NRCAM: variants seen among roughly 807,000 people sequenced by gnomAD.
NRCAM encodes neuronal cell adhesion molecule, also known as NgCAM-related cell adhesion molecule.
Under a neutral mutation model 156.5 loss-of-function variants are expected in NRCAM, and 83 were observed. The observed-to-expected ratio is 0.53, with a 90% CI of 0.44 to 0.64. The LOEUF (loss-of-function observed/expected upper bound fraction) is 0.64, where lower values mean the gene tolerates loss of function less well. Ranked by LOEUF, NRCAM falls within the 30% of genes least tolerant of loss-of-function variation. The pLI, the probability that NRCAM is intolerant of heterozygous loss-of-function variation, is 0.00. For missense variants in NRCAM, 1,417 were observed against 1,597.3 expected (o/e 0.89, Z 1.92); for synonymous variants, 538 against 563.9 (o/e 0.95, Z 0.65).
At chr7:108,355,864 C>T (rs781533245) in intron 2 of NRCAM, among the ~76,000 whole-genome samples, 10 of 152,158 alleles carry the variant, frequency 6.6e-5, no homozygotes, top group South Asian at 2.1e-4. Context: ...TTACTCACCT[C>T]GCTTCATCAC....
chr7:108,270,626 A>G (rs2097308265), intron 3 of NRCAM, among the ~76,000 whole-genome samples: 1 of 152,244 alleles, frequency 6.6e-6, no homozygotes, highest in African/African-American at 2.4e-5. Context: ...ACCGCAAGGT[A>G]GAAACAATCC....
intron 17 of NRCAM, among the ~76,000 whole-genome samples, chr7:108,192,683 T>C (rs906391290): frequency 3.9e-5 from 6 of 152,190 alleles, no homozygotes; most frequent in Non-Finnish European, 1.5e-5. Context: ...AAACCACTCA[T>C]TCAGTTCAAT....
intron 1 of NRCAM, among the ~76,000 whole-genome samples, chr7:108,404,094 AT>A (rs1277220681): frequency 1.3e-5 from 2 of 152,006 alleles, no homozygotes; most frequent in African/African-American, 2.4e-5. Context: ...CACTCCACTA[AT>A]TGGATATGCC....
chr7:108,217,794 G>A (rs1317382026), intron 11 of NRCAM, among the ~76,000 whole-genome samples: 1 of 152,154 alleles, frequency 6.6e-6, no homozygotes, highest in Admixed American at 6.5e-5. Context: ...ATCCCAGGTC[G>A]ACTTCAGACT....
chr7:108,375,284 T>C (rs1014936888), intron 2 of NRCAM, among the ~76,000 whole-genome samples: 4 of 152,076 alleles, frequency 2.6e-5, no homozygotes, highest in African/African-American at 9.7e-5. Flanking sequence ...AATGAATCAA[T>C]GAATAATTCT....
At chr7:108,341,210 C>T (rs1161589195) in intron 2 of NRCAM, among the ~76,000 whole-genome samples, 1 of 152,216 alleles carries the variant, frequency 6.6e-6, no homozygotes, top group Non-Finnish European at 1.5e-5. Context: ...AAGCCACTAA[C>T]CAGATGATCC....
intron 1 of NRCAM, among the ~76,000 whole-genome samples, chr7:108,429,085 G>A (rs1350224274): frequency 6.6e-6 from 1 of 152,082 alleles, no homozygotes; most frequent in Non-Finnish European, 1.5e-5. Context: ...TTCTATATAT[G>A]TCCTTAATTG....
intron 25 of NRCAM, 134 bp from the exon 26 acceptor site, chr7:108,178,246 A>G: frequency 1.2e-6 from 1 of 814,508 alleles, no homozygotes; most frequent in Non-Finnish European, 1.9e-6. Context: ...CTGAAAATAC[A>G]TTAGTACAAA....
intron 32 of NRCAM, 108 bp from the exon 33 acceptor site, chr7:108,150,255 T>A: frequency 2.3e-6 from 2 of 876,004 alleles, no homozygotes; most frequent in South Asian, 3.3e-5. Context: ...GTCCTGGGCT[T>A]CTCTGGCCAA....
At chr7:108,349,906 C>A (rs2099399267) in intron 2 of NRCAM, among the ~76,000 whole-genome samples, 1 of 152,184 alleles carries the variant, frequency 6.6e-6, no homozygotes, top group African/African-American at 2.4e-5. Context: ...AAAATAAAAT[C>A]TGAATTCCTT....
At chr7:108,279,292 G>A (rs955722023) in intron 3 of NRCAM, among the ~76,000 whole-genome samples, 2 of 152,118 alleles carry the variant, frequency 1.3e-5, no homozygotes, top group Non-Finnish European at 2.9e-5. Flanking sequence ...TCCTGTTGGT[G>A]AAAATATTTG....
intron 28 of NRCAM, among the ~76,000 whole-genome samples, chr7:108,170,176 A>G (rs541279922): frequency 6.6e-6 from 1 of 151,732 alleles, no homozygotes; most frequent in South Asian, 2.1e-4. Flanking sequence ...AAATTACCAT[A>G]TATATATATA....
chr7:108,432,485 A>G (rs1826531530), intron 1 of NRCAM, among the ~76,000 whole-genome samples: 2 of 152,244 alleles, frequency 1.3e-5, no homozygotes, highest in South Asian at 4.1e-4. Flanking sequence ...AAAGTTATAA[A>G]AAACCCAGTA....
intron 7 of NRCAM, 94 bp downstream of exon 7, chr7:108,232,232 G>A: frequency 3.3e-6 from 3 of 912,438 alleles, no homozygotes; most frequent in South Asian, 1.8e-5. Flanking sequence ...CAATGCCACT[G>A]CTTTGTTGAA....
At chr7:108,328,018 G>A (rs1307759367) in intron 2 of NRCAM, among the ~76,000 whole-genome samples, 2 of 152,124 alleles carry the variant, frequency 1.3e-5, no homozygotes, top group African/African-American at 4.8e-5. Context: ...CAGAAAGAAT[G>A]ACAAAAGCAT....
intron 1 of NRCAM, among the ~76,000 whole-genome samples, chr7:108,447,470 C>A (rs1845741635): frequency 6.6e-6 from 1 of 151,754 alleles, no homozygotes; most frequent in Non-Finnish European, 1.5e-5. Flanking sequence ...GGGGGTTTTA[C>A]CATGCTGGCC....
chr7:108,391,527 C>T lies in NRCAM; in HGVS notation c.-174+7909G>A, dbSNP rs199954176. ...CACTGATGGGTCTTGACTCTTTATC[C>T]AATTTGCCAGTCTGTGTCTTTTAAT... On this transcript the variant is annotated intron_variant, in intron 2 of 32. Transcript: ENST00000379028. 2.4e-3 allele frequency among the ~76,000 whole-genome samples: 361 copies of T among 152,004 alleles called. 14 individuals are homozygous for T. The East Asian group carries it at 0.053, about 22-fold the overall frequency.
intron 2 of NRCAM, among the ~76,000 whole-genome samples, chr7:108,321,855 C>T (rs2099005498): frequency 6.6e-6 from 1 of 152,082 alleles, no homozygotes; most frequent in African/African-American, 2.4e-5. Context: ...TTTATATGCC[C>T]AATTAACTTG....
chr7:108,189,571 T>G, intron 20 of NRCAM, 74 bp downstream of exon 20: 1 of 727,420 alleles, frequency 1.4e-6, no homozygotes, highest in Non-Finnish European at 2.5e-6. Flanking sequence ...GTGAGGAAAT[T>G]CAGCTGACTG....
Sources: gnomAD v4.1 joint callset for allele counts (sites outside exome capture counted in the v4.1 genomes callset) on GRCh38, gnomAD v4.1.1 for gene constraint, MANE v1.5 for transcripts, NCBI Gene and HGNC (gene_info 2026-07-23, HGNC 2026-07-21) for gene names.